The following XKR4 variants were observed in gnomAD, a reference collection of about 807,000 sequenced individuals.
XKR4 encodes XK related 4, also known as XK-related protein 4.
XKR4 carries 12 observed loss-of-function variants against 53.9 expected under a neutral mutation model. That is an observed-to-expected ratio of 0.22 (90% CI 0.14 to 0.36). The LOEUF (loss-of-function observed/expected upper bound fraction) is 0.36. Ranked by LOEUF, XKR4 falls within the 10% of genes least tolerant of loss-of-function variation. The pLI is 1.00. For synonymous variants in XKR4, 354 were observed against 362.4 expected, an observed-to-expected ratio of 0.98 and a Z score of 0.26; for missense variants, 799 against 859.5, an observed-to-expected ratio of 0.93 and a Z score of 0.88.
chr8:55,210,211 A>C (rs184385935), intron 1 of XKR4, among the ~76,000 whole-genome samples: 122 of 151,880 alleles, frequency 8.0e-4, no homozygotes, highest in Admixed American at 3.0e-3. Context: ...CAGCCTCCTG[A>C]GAAGCTGGGA....
intron 1 of XKR4, among the ~76,000 whole-genome samples, chr8:55,195,307 A>G (rs1277007321): frequency 7.1e-6 from 1 of 141,814 alleles, no homozygotes; most frequent in Non-Finnish European, 1.6e-5. Flanking sequence ...TAACAAAAAT[A>G]AAATTTAACA....
intron 2 of XKR4, among the ~76,000 whole-genome samples, chr8:55,437,295 T>C (rs969431815): frequency 2.6e-5 from 4 of 152,196 alleles, no homozygotes; most frequent in African/African-American, 9.7e-5. Flanking sequence ...GGCCTCAAAA[T>C]GCTGGGATTA....
intron 2 of XKR4, among the ~76,000 whole-genome samples, chr8:55,386,354 T>C (rs1257845297): frequency 1.3e-5 from 2 of 152,206 alleles, no homozygotes; most frequent in African/African-American, 4.8e-5. Flanking sequence ...GGCCCTGATC[T>C]TTTATCGTGG....
chr8:55,371,016 A>G (rs2129386098), intron 2 of XKR4, among the ~76,000 whole-genome samples: 1 of 151,532 alleles, frequency 6.6e-6, no homozygotes, highest in Admixed American at 6.6e-5. Flanking sequence ...CCTTATTAGA[A>G]GTCAATGTGC....
At chr8:55,258,964 G>A (rs1818476096) in intron 1 of XKR4, among the ~76,000 whole-genome samples, 1 of 152,202 alleles carries the variant, frequency 6.6e-6, no homozygotes, top group Non-Finnish European at 1.5e-5. Flanking sequence ...TGGCTTGAAT[G>A]TCTTCATCAC....
chr8:55,419,132 C>A (rs944846544), intron 2 of XKR4, among the ~76,000 whole-genome samples: 2 of 152,118 alleles, frequency 1.3e-5, no homozygotes, highest in Non-Finnish European at 2.9e-5. Flanking sequence ...CGGCTGTAAT[C>A]CCAGCACTTT....
Position 55,463,481 on chromosome 8 carries a change from T to C in XKR4, c.1007-59800T>C, listed in dbSNP as rs1380234673. 5.3e-5 allele frequency among the ~76,000 whole-genome samples: 8 copies of C among 151,004 alleles called. No homozygotes were observed. In the South Asian group the frequency reaches 8.7e-4, roughly 16 times the overall value. The stretch of plus-strand genomic sequence containing the variant: ...TCTGGGACACATTCAAAGCAGTGTG[T>C]AGAGGGAAATTTATAGCACTAAATG... On this transcript the variant is annotated intron_variant, in intron 2 of 2. Transcript: ENST00000327381.
intron 1 of XKR4, among the ~76,000 whole-genome samples, chr8:55,323,044 C>T (rs1803239632): frequency 6.6e-6 from 1 of 152,034 alleles, no homozygotes; most frequent in Non-Finnish European, 1.5e-5. Context: ...TTGCACTTAC[C>T]ATATATTAGC....
chr8:55,200,266 C>G (rs534616680), intron 1 of XKR4, among the ~76,000 whole-genome samples: 4 of 152,266 alleles, frequency 2.6e-5, no homozygotes, highest in African/African-American at 9.6e-5. Flanking sequence ...CGGGGTTTCA[C>G]CATGTTGGCC....
In XKR4 at chr8:55,425,403, A is replaced by ACTCGCG. The variant is rs1393828296; in HGVS notation, c.1006+67529_1006+67530insGCGCTC. The stretch of plus-strand genomic sequence containing the variant: ...CCCCGTTGTTTGTTTCATTCAACGC[A>ACTCGCG]CTCTCGTCTAGCCTCTCTCATCATC... On this transcript the variant is annotated intron_variant, in intron 2 of 2. Transcript: ENST00000327381. 5.3e-5 allele frequency among the ~76,000 whole-genome samples: 8 copies of ACTCGCG among 149,842 alleles called. No homozygotes were observed. In the East Asian group the frequency reaches 1.2e-3, roughly 22 times the overall value.
intron 2 of XKR4, among the ~76,000 whole-genome samples, chr8:55,409,006 C>CA (rs36030680): frequency 0.16 from 10,395 of 65,272 alleles, 1,379 homozygotes; most frequent in African/African-American, 0.35. Flanking sequence ...GACTCCGTCT[C>CA]AAAAAAAAAA....
At chr8:55,180,632 A>G (rs1227850840) in intron 1 of XKR4, among the ~76,000 whole-genome samples, 1 of 152,114 alleles carries the variant, frequency 6.6e-6, no homozygotes, top group Non-Finnish European at 1.5e-5. Context: ...TCCTGGTTCA[A>G]ATGATTCTCC....
At chr8:55,491,183 TTTTATATC>T (rs1040773006) in intron 2 of XKR4, among the ~76,000 whole-genome samples, 1 of 152,226 alleles carries the variant, frequency 6.6e-6, no homozygotes, top group Non-Finnish European at 1.5e-5. Flanking sequence ...TTTGGCTCTA[TTTTATATC>T]TTTTCTTTCC....
At chr8:55,451,391 G>C in intron 2 of XKR4, 2 of 810,416 alleles carry the variant, frequency 2.5e-6, no homozygotes, top group Non-Finnish European at 4.1e-6. Context: ...AAGCCGCTAA[G>C]TGTGTTGCGT....
At chr8:55,416,870 A>G (rs1014793756) in intron 2 of XKR4, among the ~76,000 whole-genome samples, 1 of 152,258 alleles carries the variant, frequency 6.6e-6, no homozygotes, top group Non-Finnish European at 1.5e-5. Flanking sequence ...CTATGACTGC[A>G]TAATCTATGC....
At chr8:55,366,974 T>C (rs1394157513) in intron 2 of XKR4, among the ~76,000 whole-genome samples, 5 of 152,216 alleles carry the variant, frequency 3.3e-5, no homozygotes, top group African/African-American at 1.2e-4. Flanking sequence ...TTATCCTCTG[T>C]CTCCTCTTCC....
At chr8:55,351,139 T>G (rs544972459) in intron 1 of XKR4, among the ~76,000 whole-genome samples, 22 of 152,216 alleles carry the variant, frequency 1.4e-4, no homozygotes, top group Non-Finnish European at 3.1e-4. Flanking sequence ...AACTGCACAC[T>G]TAAAATAATT....
intron 2 of XKR4, chr8:55,450,327 G>T: frequency 2.8e-6 from 2 of 725,652 alleles, no homozygotes; most frequent in Non-Finnish European, 4.6e-6. Context: ...CAGCGCAGAA[G>T]TCCTACACTT....
At chr8:55,141,671 C>CTCTCTCTCTCTCTCTCTCTCTATG (rs748708972) in intron 1 of XKR4, among the ~76,000 whole-genome samples, 1 of 135,186 alleles carries the variant, frequency 7.4e-6, no homozygotes, top group Non-Finnish European at 1.6e-5. Flanking sequence ...CTCTCTCTCT[C>CTCTCTCTCTCTCTCTCTCTCTATG]TGTGTGTGTG....
Sources: allele counts gnomAD v4.1 joint callset (sites outside exome capture counted in the v4.1 genomes callset), GRCh38; gene constraint gnomAD v4.1.1; transcripts MANE v1.5; gene names NCBI Gene and HGNC (gene_info 2026-07-23, HGNC 2026-07-21).